RALYL: variants seen among roughly 807,000 people sequenced by gnomAD.
The protein encoded by RALYL is RALY RNA binding protein like.
Under a neutral mutation model 35.1 loss-of-function variants are expected in RALYL, and 29 were observed. The ratio of observed to expected loss-of-function variants is 0.83; its 90% CI spans 0.61 to 1.13. The LOEUF (loss-of-function observed/expected upper bound fraction) is 1.13. Among genes scored for constraint, RALYL ranks in the 50% most tolerant of loss-of-function variants. RALYL has a pLI of 0.00. For missense variants in RALYL, 359 were observed against 360.4 expected (o/e 1.00, Z 0.03); for synonymous variants, 120 against 127.6 (o/e 0.94, Z 0.40).
chr8:84,207,333 T>G (rs1818292565), intron 1 of RALYL, among the ~76,000 whole-genome samples: 1 of 152,060 alleles, frequency 6.6e-6, no homozygotes, highest in Admixed American at 6.6e-5. Flanking sequence ...ATGTTATATA[T>G]TATGCTGTAT....
At chr8:84,869,555 G>C (rs1173672059) in intron 6 of RALYL, among the ~76,000 whole-genome samples, 3 of 152,128 alleles carry the variant, frequency 2.0e-5, no homozygotes, top group South Asian at 2.1e-4. Context: ...TTTGGGGTCA[G>C]ATAATTCTGT....
chr8:84,519,573 A>G (rs574543111), intron 1 of RALYL, among the ~76,000 whole-genome samples: 2 of 152,236 alleles, frequency 1.3e-5, no homozygotes, highest in East Asian at 1.9e-4. Context: ...TGAGTATTTC[A>G]TAATCACTTA....
intron 2 of RALYL, among the ~76,000 whole-genome samples, chr8:84,540,573 T>C (rs2059955315): frequency 6.6e-6 from 1 of 151,986 alleles, no homozygotes; most frequent in African/African-American, 2.4e-5. Context: ...AAGTGTTGTC[T>C]TGTGTGTTTT....
chr8:84,427,753 GA>G (rs929885519), intron 1 of RALYL, among the ~76,000 whole-genome samples: 5 of 152,136 alleles, frequency 3.3e-5, no homozygotes, highest in Admixed American at 6.5e-5. Context: ...AGCCAGGTTA[GA>G]CACTTGTCCT....
chr8:84,855,623 G>A (rs902972053), intron 5 of RALYL, among the ~76,000 whole-genome samples: 1 of 152,324 alleles, frequency 6.6e-6, no homozygotes, highest in Non-Finnish European at 1.5e-5. Flanking sequence ...GTAGGACATT[G>A]TATGTTAATA....
At chr8:84,840,346 A>T (rs1182703545) in intron 4 of RALYL, among the ~76,000 whole-genome samples, 3 of 152,228 alleles carry the variant, frequency 2.0e-5, no homozygotes, top group South Asian at 2.1e-4. Context: ...AGCCGATTTG[A>T]TCAACTGGAA....
intron 1 of RALYL, among the ~76,000 whole-genome samples, chr8:84,295,407 T>A (rs1364450031): frequency 6.6e-6 from 1 of 152,146 alleles, no homozygotes; most frequent in Non-Finnish European, 1.5e-5. Flanking sequence ...ATTGACAAAA[T>A]AAGAGCAAAC....
intron 3 of RALYL, among the ~76,000 whole-genome samples, chr8:84,777,753 T>G (rs2465977): frequency 0.23 from 34,765 of 151,980 alleles, 4,192 homozygotes; most frequent in Non-Finnish European, 0.25. Flanking sequence ...GCCATACCCC[T>G]GCCTCAGCCT....
In RALYL at chr8:84,477,563, C is replaced by T. The variant is rs559699551; in HGVS notation, c.-23-51736C>T. Among the ~76,000 whole-genome samples the T allele has an allele frequency of 1.1e-3, 166 of 148,978 alleles. 1 individual carries two copies. The highest frequency in any genetic ancestry group is 3.8e-3 in the African/African-American group (157 of 40,780). On this transcript the variant is annotated intron_variant, in intron 1 of 8. Transcript: ENST00000521268. Reference sequence around the variant, plus strand: ...GATACATGTATATTAAATAAAAATACGATATATATTTTTGCTTACAGATTT... The same window carrying T: ...GATACATGTATATTAAATAAAAATATGATATATATTTTTGCTTACAGATTT...
chr8:84,275,825 A>G (rs1052868040), intron 1 of RALYL, among the ~76,000 whole-genome samples: 3 of 152,272 alleles, frequency 2.0e-5, no homozygotes, highest in East Asian at 3.9e-4. Context: ...TCAGTATTTA[A>G]AATTTTCTTA....
rs562346004 is a variant in RALYL at position 84,469,838 on chromosome 8, G to A, written c.-23-59461G>A. Among the ~76,000 whole-genome samples, 17 of 152,182 alleles carry A rather than the reference G, an allele frequency of 1.1e-4. No individual in the cohort carries two copies. In the East Asian group the frequency reaches 1.2e-3, roughly 10 times the overall value. ...CGAGCCAGGTGCGGGATATAATCTC[G>A]TGGTGCGCTGTTTTTTAAGCCCGTC... On this transcript the variant is annotated intron_variant, in intron 1 of 8. Coordinates refer to ENST00000521268, the MANE Select transcript of RALYL (RefSeq NM_173848.7).
chr8:84,283,820 G>C (rs976137778), intron 1 of RALYL, among the ~76,000 whole-genome samples: 1 of 152,124 alleles, frequency 6.6e-6, no homozygotes, highest in Non-Finnish European at 1.5e-5. Context: ...AATTTTCTGG[G>C]AGGTGGAGAC....
intron 1 of RALYL, among the ~76,000 whole-genome samples, chr8:84,286,554 C>T (rs1019981640): frequency 3.9e-5 from 6 of 152,010 alleles, no homozygotes; most frequent in African/African-American, 1.4e-4. Flanking sequence ...TCTGGGAGCT[C>T]GTGCTTAAAA....
intron 2 of RALYL, among the ~76,000 whole-genome samples, chr8:84,551,867 G>A (rs2060742935): frequency 6.6e-6 from 1 of 151,990 alleles, no homozygotes; most frequent in South Asian, 2.1e-4. Flanking sequence ...TAAATGAAAA[G>A]GAATCATTTA....
intron 1 of RALYL, among the ~76,000 whole-genome samples, chr8:84,377,661 G>C (rs1267149062): frequency 6.6e-6 from 1 of 151,378 alleles, no homozygotes; most frequent in East Asian, 1.9e-4. Flanking sequence ...TCCCAAAGAA[G>C]ACTCAGTATT....
At chr8:84,327,653 A>C (rs73291402) in intron 1 of RALYL, among the ~76,000 whole-genome samples, 7,193 of 151,980 alleles carry the variant, frequency 0.047, 266 homozygotes, top group African/African-American at 0.083. Flanking sequence ...CACAAAGCCC[A>C]AAATCCTTTC....
intron 2 of RALYL, among the ~76,000 whole-genome samples, chr8:84,692,837 A>T (rs1477520751): frequency 3.3e-5 from 5 of 151,906 alleles, no homozygotes; most frequent in Non-Finnish European, 7.4e-5. Context: ...CTTCTACTGG[A>T]GAGGAAGGAG....
chr8:84,610,164 T>C (rs796490380), intron 2 of RALYL, among the ~76,000 whole-genome samples: 3 of 152,192 alleles, frequency 2.0e-5, no homozygotes, highest in African/African-American at 7.2e-5. Flanking sequence ...TATTAAGATT[T>C]TTTTCTTTTA....
chr8:84,250,346 T>C (rs550972739), intron 1 of RALYL, among the ~76,000 whole-genome samples: 3 of 152,160 alleles, frequency 2.0e-5, no homozygotes, highest in South Asian at 2.1e-4. Context: ...AGAGATGTTA[T>C]GTTTCGTTTT....
Sources: gnomAD v4.1 joint callset for allele counts (sites outside exome capture counted in the v4.1 genomes callset) on GRCh38, gnomAD v4.1.1 for gene constraint, MANE v1.5 for transcripts, NCBI Gene and HGNC (gene_info 2026-07-23, HGNC 2026-07-21) for gene names.